TTC27: variants seen among roughly 807,000 people sequenced by gnomAD.
TTC27 encodes tetratricopeptide repeat protein 27.
Under a neutral mutation model 115.9 loss-of-function variants are expected in TTC27, and 79 were observed. That is an observed-to-expected ratio of 0.68 (90% CI 0.57 to 0.82). TTC27 has a LOEUF of 0.82. Ranked by LOEUF, TTC27 falls within the 40% of genes least tolerant of loss-of-function variation. TTC27 has a pLI of 0.00. For missense variants in TTC27, 1,054 were observed against 993.1 expected (o/e 1.06, Z -0.82); for synonymous variants, 401 against 356.0 (o/e 1.13, Z -1.42).
intron 15 of TTC27, among the ~76,000 whole-genome samples, chr2:32,784,931 A>T (rs1328518070): frequency 6.6e-5 from 10 of 152,176 alleles, no homozygotes; most frequent in Admixed American, 6.5e-4. Flanking sequence ...ATTCCATGGA[A>T]CAATTTATGA....
intron 16 of TTC27, among the ~76,000 whole-genome samples, chr2:32,789,529 G>A (rs1670459131): frequency 6.6e-6 from 1 of 152,158 alleles, no homozygotes; most frequent in Non-Finnish European, 1.5e-5. Context: ...AATAACCTGA[G>A]TATGTAGATA....
chr2:32,728,797 G>A lies in TTC27; in HGVS notation c.1234-5031G>A, dbSNP rs1479012088. On this transcript the variant is annotated intron_variant, in intron 10 of 19. Transcript: ENST00000317907. ...TTAATGATGGTGTTGATACTTACTA[G>A]GTGTGTTAACAGTTTTAATTGTTAT... Among the ~76,000 whole-genome samples, 7 of 152,218 alleles carry A rather than the reference G, an allele frequency of 4.6e-5. No individual in the cohort carries two copies. The East Asian group carries it at 5.8e-4, about 13-fold the overall frequency.
At chr2:32,681,599 C>T (rs550562541) in intron 9 of TTC27, among the ~76,000 whole-genome samples, 13 of 148,826 alleles carry the variant, frequency 8.7e-5, no homozygotes, top group African/African-American at 3.2e-4. Context: ...TACGACCATT[C>T]TGTTTTTCAC....
intron 2 of TTC27, among the ~76,000 whole-genome samples, chr2:32,632,111 T>C (rs1664241586): frequency 6.6e-6 from 1 of 151,546 alleles, no homozygotes; most frequent in Non-Finnish European, 1.5e-5. Context: ...TCGCCCAGCC[T>C]CCATTTAATT....
At chr2:32,816,395 A>G (rs769601251) in intron 18 of TTC27, among the ~76,000 whole-genome samples, 9 of 151,990 alleles carry the variant, frequency 5.9e-5, no homozygotes, top group Non-Finnish European at 1.2e-4. Flanking sequence ...TGCGCTGTTT[A>G]GTGTCATTTT....
At chr2:32,628,843 C>T (rs2151856042) in intron 1 of TTC27, among the ~76,000 whole-genome samples, 1 of 152,126 alleles carries the variant, frequency 6.6e-6, no homozygotes, top group South Asian at 2.1e-4. Context: ...TCGCTGCAAC[C>T]TCCGCCTCCC....
intron 1 of TTC27, 64 bp downstream of exon 1, chr2:32,628,444 G>T (rs2063528329): frequency 1.1e-5 from 15 of 1,400,844 alleles, no homozygotes; most frequent in South Asian, 1.4e-5. Context: ...GGATGGCAGC[G>T]ACTGATTCTC....
intron 4 of TTC27, among the ~76,000 whole-genome samples, chr2:32,647,556 T>A (rs1217541013): frequency 6.6e-6 from 1 of 152,214 alleles, no homozygotes; most frequent in East Asian, 1.9e-4. Context: ...CAAAATTCAT[T>A]TGTGGTTGCA....
At chr2:32,800,141 G>T (rs1670871120) in intron 16 of TTC27, among the ~76,000 whole-genome samples, 1 of 152,216 alleles carries the variant, frequency 6.6e-6, no homozygotes, top group African/African-American at 2.4e-5. Flanking sequence ...GTTAATATAT[G>T]TAAAGGGCGG....
intron 14 of TTC27, among the ~76,000 whole-genome samples, chr2:32,780,565 G>A (rs7566016): frequency 0.087 from 13,158 of 151,952 alleles, 669 homozygotes; most frequent in Middle Eastern, 0.19. Flanking sequence ...TCAGCCTCCC[G>A]ATTAGCTGGG....
intron 5 of TTC27, 67 bp downstream of exon 5, chr2:32,650,300 CT>C: frequency 9.1e-7 from 1 of 1,096,616 alleles, no homozygotes; most frequent in Non-Finnish European, 1.3e-6. Flanking sequence ...TGAGATACTC[CT>C]TTTTAGTTTA....
chr2:32,659,908 T>C (rs140853173), intron 5 of TTC27, among the ~76,000 whole-genome samples: 1 of 152,016 alleles, frequency 6.6e-6, no homozygotes, highest in Non-Finnish European at 1.5e-5. Context: ...CTTTATCCAG[T>C]CTATCATTGA....
rs551387046 is a variant in TTC27, at chr2:32,703,415, C to T, written c.1233+495C>T. Among the ~76,000 whole-genome samples, 14 of 152,244 alleles carry T rather than the reference C, an allele frequency of 9.2e-5. No individual in the cohort carries two copies. In the South Asian group the frequency reaches 1.5e-3, roughly 16 times the overall value. ...CCTGGAGGCAAAGGTCGCAGTGAGC[C>T]GAGATCGTGCCATTGCACTCCAGTC... is the stretch of plus-strand genomic sequence containing the variant. On this transcript the variant is annotated intron_variant, in intron 10 of 19. Transcript: ENST00000317907.
intron 10 of TTC27, among the ~76,000 whole-genome samples, chr2:32,711,137 A>AAAAAG (rs1553554806): frequency 4.7e-5 from 7 of 149,514 alleles, no homozygotes; most frequent in Non-Finnish European, 1.0e-4. Context: ...AAAAAAAAAA[A>AAAAAG]AAGAAGAAGA....
chr2:32,651,228 T>C (rs1383384915), intron 5 of TTC27, among the ~76,000 whole-genome samples: 1 of 152,198 alleles, frequency 6.6e-6, no homozygotes, highest in East Asian at 1.9e-4. Context: ...AGCATCATTC[T>C]ATGTGGAGAA....
intron 6 of TTC27, among the ~76,000 whole-genome samples, chr2:32,665,785 G>A (rs1280370624): frequency 6.6e-6 from 1 of 152,158 alleles, no homozygotes; most frequent in African/African-American, 2.4e-5. Flanking sequence ...CAGCTACTCT[G>A]GAGGCTGAGG....
At chr2:32,713,419 A>G (rs1482127831) in intron 10 of TTC27, among the ~76,000 whole-genome samples, 1 of 152,246 alleles carries the variant, frequency 6.6e-6, no homozygotes, top group Non-Finnish European at 1.5e-5. Flanking sequence ...GGTGTTAGAT[A>G]AACTTAGTTC....
chr2:32,661,137 T>C (rs1665532921), intron 5 of TTC27, among the ~76,000 whole-genome samples: 1 of 152,232 alleles, frequency 6.6e-6, no homozygotes, highest in Non-Finnish European at 1.5e-5. Context: ...TATATCTGTT[T>C]TGATACCAGT....
chr2:32,663,680 G>GTATTTATT (rs1313931097), intron 5 of TTC27, among the ~76,000 whole-genome samples: 2 of 54,580 alleles, frequency 3.7e-5, no homozygotes, highest in African/African-American at 5.6e-5. Flanking sequence ...ATGTATGTAT[G>GTATTTATT]TATTTATTTA....
Sources: allele counts gnomAD v4.1 joint callset (sites outside exome capture counted in the v4.1 genomes callset), GRCh38; gene constraint gnomAD v4.1.1; transcripts MANE v1.5; gene names NCBI Gene and HGNC (gene_info 2026-07-23, HGNC 2026-07-21).